Variants in ANKMY1 observed in about 807,000 individuals in gnomAD.
The protein encoded by ANKMY1 is ankyrin repeat and MYND domain containing 1, also known as ankyrin repeat and MYND domain-containing protein 1.
ANKMY1 carries 98 observed loss-of-function variants against 102.0 expected under a neutral mutation model. That is an observed-to-expected ratio of 0.96 (90% confidence interval 0.82 to 1.14). The LOEUF is 1.14. ANKMY1 is among the 50% of genes most tolerant of loss of function. The probability of loss-of-function intolerance (pLI) is 0.00; values close to 1 mark genes in which losing one functional copy is unlikely to be tolerated. For missense variants in ANKMY1, 1,330 were observed against 1,347.6 expected (o/e 0.99, Z 0.20); for synonymous variants, 582 against 559.9 (o/e 1.04, Z -0.56).
chr2:240,527,661 G>A (rs75956821), intron 5 of ANKMY1: 1 of 10,868 alleles, frequency 9.2e-5, no homozygotes, highest in Non-Finnish European at 2.2e-4. Flanking sequence ...TGGGTGGGTG[G>A]ACAAATGGGT....
At position 240,529,323 on chromosome 2, in the gene ANKMY1, G is replaced by C. The variant is rs768895122; in HGVS notation, c.667C>G (p.Leu223Val). ...FITHSPARIS[L>V]SEEEKTEWGL... is the part of the protein sequence containing the mutation. ...CACTCCGTTTTCTCCTCTTCTGAGA[G>C]GCTGATCCTGGCAGGGCTGTGGGTG... Residue 223 changes from leucine (L) to valine (V), a missense_variant, in exon 5 of 18, where the codon CTC becomes GTC. Transcript: ENST00000401804. This position sits in a 1 kb window ranked among gnomAD's most constrained non-coding sequence, Gnocchi z 4.2. 1 of 1,614,206 alleles carries C rather than the reference G, an allele frequency of 6.2e-7. No homozygotes were observed. Among genetic ancestry groups the C allele is most frequent in the Non-Finnish European group, 8.5e-7 (1 of 1,180,050 alleles).
At chr2:240,504,761 C>T (rs2078770082) in intron 13 of ANKMY1, among the ~76,000 whole-genome samples, 1 of 151,874 alleles carries the variant, frequency 6.6e-6, no homozygotes, top group South Asian at 2.1e-4. Flanking sequence ...AATCCCAGCA[C>T]TTTGGGAGGC....
At chr2:240,528,293 A>AC (rs562534743) in intron 5 of ANKMY1, among the ~76,000 whole-genome samples, 18,778 of 78,736 alleles carry the variant, frequency 0.24, 1,199 homozygotes, top group Middle Eastern at 0.36. Context: ...GCCTGCCCCC[A>AC]CCCCCCCCCC....
Position 240,482,251 on chromosome 2 carries a change from G to A in ANKMY1, c.2817C>T (p.Ile939=). The change falls in exon 16 of 18, where the codon ATC becomes ATT. Residue 939 remains isoleucine, a synonymous_variant. Transcript: ENST00000401804. ...CCTTCTTCTTCATCCTGTGGCTGGG[G>A]ATCAGCTCCGCTGCATGAGAGAGGG... ...WLYLCKRAEL[I]PSHRMKKKGP... 7 of 1,612,570 alleles carry A rather than the reference G, an allele frequency of 4.3e-6. No individual in the cohort carries two copies. Among genetic ancestry groups the A allele is most frequent in the South Asian group, 1.1e-5 (1 of 90,708 alleles).
At chr2:240,511,657 C>A (rs1217566917) in intron 11 of ANKMY1, among the ~76,000 whole-genome samples, 2 of 152,248 alleles carry the variant, frequency 1.3e-5, no homozygotes, top group Admixed American at 6.5e-5. Flanking sequence ...CCACCCAGGC[C>A]CCGTGCGCAG....
chr2:240,526,679 T>C, intron 5 of ANKMY1: 3 of 1,417,414 alleles, frequency 2.1e-6, no homozygotes, highest in Non-Finnish European at 2.8e-6. Flanking sequence ...TTGGGCTATA[T>C]GTCTGTCCCG....
rs759397639 is a variant in ANKMY1, at chr2:240,523,874, C to G, written c.1832+11G>C. ...GGCCCTCCACCCCCACCAGCTGGTGCCAGGACCTACTCGATCATGGACAGC... is the reference window on the plus strand; with the variant it reads ...GGCCCTCCACCCCCACCAGCTGGTGGCAGGACCTACTCGATCATGGACAGC... On this transcript the variant is annotated intron_variant, in intron 8 of 17. Coordinates refer to ENST00000401804, the MANE Select transcript of ANKMY1 (RefSeq NM_001282771.3). 2 of 1,606,660 alleles carry G rather than the reference C, an allele frequency of 1.2e-6. No individual in the cohort carries two copies. Among genetic ancestry groups the G allele is most frequent in the South Asian group, 2.2e-5 (2 of 90,818 alleles).
chr2:240,544,234 A>C (rs1445763175), intron 4 of ANKMY1, among the ~76,000 whole-genome samples: 3 of 152,190 alleles, frequency 2.0e-5, no homozygotes, highest in Non-Finnish European at 2.9e-5. Context: ...TTGTGCGGTA[A>C]ATTTTTGTCC....
rs191604697 is a variant in ANKMY1, at chr2:240,515,948, T to C, written c.2005-3006A>G. 7.4e-3 allele frequency among the ~76,000 whole-genome samples: 1,119 copies of C among 151,568 alleles called. 15 individuals carry two copies. The highest frequency in any genetic ancestry group is 0.026 in the African/African-American group (1,075 of 41,340). ...ACCGTGTTAGCCAGGATGGTCTCTA[T>C]CTCCTGACCTTGTGATCTGCCCACC... On this transcript the variant is annotated intron_variant, in intron 9 of 17. Coordinates refer to ENST00000401804, the MANE Select transcript of ANKMY1 (RefSeq NM_001282771.3).
chr2:240,528,147 C>T (rs1559335137), intron 5 of ANKMY1, among the ~76,000 whole-genome samples: 1 of 151,898 alleles, frequency 6.6e-6, no homozygotes, highest in Admixed American at 6.6e-5. Context: ...ATTAGCTGGG[C>T]GTGGTGGCAG....
chr2:240,555,935 C>T (rs569888099), intron 2 of ANKMY1, among the ~76,000 whole-genome samples: 196 of 152,324 alleles, frequency 1.3e-3, no homozygotes, highest in Non-Finnish European at 1.8e-3. Context: ...ATGGATGGGG[C>T]GTCTCAAAGG....
chr2:240,484,098 G>T (rs1475159548), intron 15 of ANKMY1, among the ~76,000 whole-genome samples: 3 of 152,146 alleles, frequency 2.0e-5, no homozygotes, highest in Non-Finnish European at 4.4e-5. Flanking sequence ...TGGGCATTTG[G>T]ATTGGTTCCA....
intron 4 of ANKMY1, among the ~76,000 whole-genome samples, chr2:240,531,063 C>A (rs1248943919): frequency 1.3e-5 from 2 of 151,576 alleles, no homozygotes; most frequent in Non-Finnish European, 2.9e-5. Context: ...ACATAAATAA[C>A]CCAATTAATA....
At chr2:240,512,731 A>C (rs2080457229) in intron 10 of ANKMY1, 71 bp downstream of exon 10, 3 of 1,519,256 alleles carry the variant, frequency 2.0e-6, no homozygotes, top group Admixed American at 1.9e-5. Flanking sequence ...CAGGCTAGGC[A>C]GAGTGTGTGA....
intron 15 of ANKMY1, among the ~76,000 whole-genome samples, chr2:240,497,628 C>G (rs1451876010): frequency 6.6e-6 from 1 of 152,194 alleles, no homozygotes; most frequent in African/African-American, 2.4e-5. Flanking sequence ...TCTTAGTTTT[C>G]TCTAGCAATT....
chr2:240,470,078 G>A, the ANKMY1 span, among the ~76,000 whole-genome samples: 1 of 152,262 alleles, frequency 6.6e-6, no homozygotes, highest in Non-Finnish European at 1.5e-5. Context: ...ACACCCGTGG[G>A]TGCACACACT....
chr2:240,501,706 C>T (rs2078210381), intron 13 of ANKMY1, among the ~76,000 whole-genome samples: 2 of 152,252 alleles, frequency 1.3e-5, no homozygotes, highest in South Asian at 2.1e-4. Flanking sequence ...GGGCATGGCA[C>T]CAGGCACAGT....
chr2:240,483,164 T>C (rs775111452), intron 15 of ANKMY1, among the ~76,000 whole-genome samples: 12 of 152,196 alleles, frequency 7.9e-5, no homozygotes, highest in Non-Finnish European at 1.6e-4. Context: ...ATCGAATTTT[T>C]TTTTTTCTTT....
At chr2:240,521,641 G>T (rs1308064035) in intron 8 of ANKMY1, among the ~76,000 whole-genome samples, 1 of 151,936 alleles carries the variant, frequency 6.6e-6, no homozygotes, top group Admixed American at 6.5e-5. Context: ...CGGGACTACA[G>T]GCACCCGCCA....
Sources: allele counts gnomAD v4.1 joint callset (sites outside exome capture counted in the v4.1 genomes callset), GRCh38; gene constraint gnomAD v4.1.1; non-coding constraint Gnocchi (gnomAD v3.1); transcripts MANE v1.5; gene names NCBI Gene and HGNC (gene_info 2026-07-23, HGNC 2026-07-21).